ARHGAP28: variants seen among roughly 807,000 people sequenced by gnomAD.
ARHGAP28 encodes the protein Rho GTPase activating protein 28.
In ARHGAP28, 56 loss-of-function variants were observed where a neutral mutation model predicts 90.7. That is an observed-to-expected ratio of 0.62 (90% CI 0.50 to 0.77). The LOEUF is 0.77. Ranked by LOEUF, ARHGAP28 falls within the 30% of genes least tolerant of loss-of-function variation. The pLI is 0.00. For missense variants in ARHGAP28, 869 were observed against 900.9 expected (o/e 0.96, Z 0.45); for synonymous variants, 308 against 323.3 (o/e 0.95, Z 0.51).
intron 3 of ARHGAP28, among the ~76,000 whole-genome samples, chr18:6,850,275 T>C (rs1249973707): frequency 6.6e-6 from 1 of 152,224 alleles, no homozygotes; most frequent in Non-Finnish European, 1.5e-5. Context: ...ATTATCTGCT[T>C]TTTGTAGAAT....
intron 2 of ARHGAP28, among the ~76,000 whole-genome samples, chr18:6,832,086 C>CT (rs2056720933): frequency 6.6e-6 from 1 of 151,920 alleles, no homozygotes; most frequent in Non-Finnish European, 1.5e-5. Context: ...AATCTTTCAT[C>CT]TTTTTGAATA....
At chr18:6,887,432 T>TTG (rs923527867) in intron 12 of ARHGAP28, among the ~76,000 whole-genome samples, 193 bp downstream of exon 12, 1 of 148,204 alleles carries the variant, frequency 6.7e-6, no homozygotes, top group Non-Finnish European at 1.5e-5. Flanking sequence ...GGTATCTTGT[T>TTG]TTTTTTTTTT....
chr18:6,754,112 C>T (rs551873821), intron 1 of ARHGAP28, among the ~76,000 whole-genome samples: 1 of 152,118 alleles, frequency 6.6e-6, no homozygotes, highest in Non-Finnish European at 1.5e-5. Flanking sequence ...AAAACATTAT[C>T]GTAGAGTGGA....
chr18:6,851,405 G>C (rs991466002), intron 4 of ARHGAP28, among the ~76,000 whole-genome samples: 1 of 152,132 alleles, frequency 6.6e-6, no homozygotes, highest in Non-Finnish European at 1.5e-5. Context: ...CCTATAGAAT[G>C]GCTAAACTTA....
intron 16 of ARHGAP28, among the ~76,000 whole-genome samples, chr18:6,906,231 T>C (rs759940201): frequency 2.0e-5 from 3 of 152,088 alleles, no homozygotes; most frequent in Non-Finnish European, 2.9e-5. Flanking sequence ...AACCCAGAAA[T>C]TGACCTACAC....
At chr18:6,754,709 A>C (rs575144536) in intron 1 of ARHGAP28, 2 of 152,194 alleles carry the variant, frequency 1.3e-5, no homozygotes. Context: ...AAGGATCTTC[A>C]TAAGTAATAT....
intron 12 of ARHGAP28, among the ~76,000 whole-genome samples, chr18:6,887,586 A>G (rs915885294): frequency 1.3e-5 from 2 of 152,090 alleles, no homozygotes; most frequent in Admixed American, 1.3e-4. Context: ...ATGTGCCACC[A>G]CACCCAGCTC....
At chr18:6,873,354 C>G in intron 7 of ARHGAP28, 55 bp from the exon 8 acceptor site, 1 of 1,488,512 alleles carries the variant, frequency 6.7e-7, no homozygotes, top group Admixed American at 2.0e-5. Context: ...TTTGAGTGAA[C>G]GCATAATAAT....
intron 1 of ARHGAP28, among the ~76,000 whole-genome samples, chr18:6,740,874 C>G (rs892401005): frequency 6.6e-6 from 1 of 152,122 alleles, no homozygotes; most frequent in East Asian, 1.9e-4. Context: ...ACCAACCTGT[C>G]GATCCTGGTT....
intron 1 of ARHGAP28, among the ~76,000 whole-genome samples, chr18:6,750,894 T>C (rs1204666151): frequency 6.6e-6 from 1 of 152,224 alleles, no homozygotes; most frequent in Non-Finnish European, 1.5e-5. Flanking sequence ...TTAGTACCTT[T>C]TCGTGTTTTC....
At chr18:6,850,747 T>G in intron 3 of ARHGAP28, 1 of 1,438,142 alleles carries the variant, frequency 7.0e-7, no homozygotes, top group Non-Finnish European at 9.2e-7. Context: ...TGGAGCAAAA[T>G]CATGATATTC....
chr18:6,831,501 T>A (rs1385813084), intron 2 of ARHGAP28, among the ~76,000 whole-genome samples: 35 of 148,680 alleles, frequency 2.4e-4, no homozygotes, highest in Admixed American at 1.9e-3. Flanking sequence ...TTTTTTTTTT[T>A]ATTATACTCT....
intron 16 of ARHGAP28, among the ~76,000 whole-genome samples, chr18:6,905,882 A>G (rs1744262697): frequency 6.6e-6 from 1 of 152,180 alleles, no homozygotes; most frequent in African/African-American, 2.4e-5. Context: ...CTGGTGAAAG[A>G]AATTAAAGAA....
chr18:6,827,872 G>T (rs924094786), intron 2 of ARHGAP28, among the ~76,000 whole-genome samples: 3 of 151,400 alleles, frequency 2.0e-5, no homozygotes, highest in African/African-American at 7.3e-5. Flanking sequence ...GACGATGGGC[G>T]GCCGGGAAGA....
chr18:6,862,599 CT>C (rs1202085031), intron 5 of ARHGAP28, among the ~76,000 whole-genome samples: 2 of 152,178 alleles, frequency 1.3e-5, no homozygotes, highest in African/African-American at 4.8e-5. Flanking sequence ...GTAAGTTCCC[CT>C]TCATCAAAGT....
chr18:6,774,959 C>T (rs1003151243), intron 1 of ARHGAP28, among the ~76,000 whole-genome samples: 14 of 152,210 alleles, frequency 9.2e-5, no homozygotes, highest in Non-Finnish European at 1.2e-4. Flanking sequence ...TTAATTAGCA[C>T]CTGTGTTAGT....
intron 5 of ARHGAP28, 39 bp downstream of exon 5, chr18:6,859,936 C>T (rs1465181572): frequency 6.4e-7 from 1 of 1,569,500 alleles, no homozygotes; most frequent in Non-Finnish European, 8.8e-7. Flanking sequence ...TGTCAAGGTA[C>T]AGTTGCAAGT....
chr18:6,909,248 GTCTTTTCTTT>G (rs1172759953), intron 17 of ARHGAP28, among the ~76,000 whole-genome samples: 1 of 121,262 alleles, frequency 8.2e-6, no homozygotes, highest in Non-Finnish European at 1.8e-5. Context: ...GTAGGCTTGG[GTCTTTTCTTT>G]TCTTTTCTTT....
intron 1 of ARHGAP28, among the ~76,000 whole-genome samples, chr18:6,800,750 T>C (rs985292518): frequency 4.6e-5 from 7 of 152,026 alleles, no homozygotes; most frequent in African/African-American, 1.4e-4. Flanking sequence ...AGGAGAAATA[T>C]CTAATGTAGA....
Sources: gnomAD v4.1 joint callset for allele counts (sites outside exome capture counted in the v4.1 genomes callset) on GRCh38, gnomAD v4.1.1 for gene constraint, MANE v1.5 for transcripts, NCBI Gene and HGNC (gene_info 2026-07-23, HGNC 2026-07-21) for gene names.